UGT1A6: variants seen among roughly 807,000 people sequenced by gnomAD.
The protein encoded by UGT1A6 is UDP glucuronosyltransferase family 1 member A6.
Under a neutral mutation model 44.4 loss-of-function variants are expected in UGT1A6, and 32 were observed. The ratio of observed to expected loss-of-function variants is 0.72; its 90% CI spans 0.54 to 0.97. The LOEUF is 0.97. Ranked by LOEUF, UGT1A6 falls within the 50% of genes least tolerant of loss-of-function variation. UGT1A6 has a pLI of 0.00. For synonymous variants in UGT1A6, 238 were observed against 248.5 expected, an observed-to-expected ratio of 0.96 and a Z score of 0.40; for missense variants, 685 against 661.9, an observed-to-expected ratio of 1.03 and a Z score of -0.38.
chr2:233,711,262 C>T lies in UGT1A6; in HGVS notation c.861+17397C>T, dbSNP rs1462480492. 2.6e-5 allele frequency among the ~76,000 whole-genome samples: 4 copies of T among 152,312 alleles called. No individual in the cohort carries two copies. The East Asian group carries it at 7.7e-4, about 29-fold the overall frequency. On this transcript the variant is annotated intron_variant, in intron 1 of 4. Coordinates refer to ENST00000305139, the MANE Select transcript of UGT1A6 (RefSeq NM_001072.4). ...CCATCTTCCAAGATACATGGGCCTC[C>T]CCAGGGTCTAGGAGTCCTAGACGTG... is the stretch of plus-strand genomic sequence containing the variant.
In UGT1A6 at chr2:233,753,335, C is replaced by T. The variant is rs1327117570; in HGVS notation, c.862-13699C>T. 3.9e-5 allele frequency: 6 copies of T among 151,986 alleles called. No homozygotes were observed. The East Asian group carries it at 9.6e-4, about 24-fold the overall frequency. 9.4% of individuals were successfully genotyped at this position (151,986 alleles called of 1,614,324 possible). A position where few individuals can be genotyped will look rare whatever the true frequency, so the allele number is the denominator to read the frequency against. ...CTGTGGGATGGTGCCAGCTGACTGC[C>T]ATTTTCCTGCTGTTTATTACTTGGG... On this transcript the variant is annotated intron_variant, in intron 1 of 4. Coordinates refer to ENST00000305139, the MANE Select transcript of UGT1A6 (RefSeq NM_001072.4).
chr2:233,713,654 C>G (rs772649489), intron 1 of UGT1A6: 39 of 1,613,850 alleles, frequency 2.4e-5, no homozygotes, highest in African/African-American at 6.7e-5. Context: ...TGGCCCTGTC[C>G]TACCTTTGCC....
rs746130687 is a variant in UGT1A6 at position 233,713,609 on chromosome 2, A to G, written c.861+19744A>G. 4 of 1,613,842 alleles carry G rather than the reference A, an allele frequency of 2.5e-6. No individual in the cohort carries two copies. In the African/African-American group the frequency reaches 4.0e-5, roughly 16 times the overall value. On this transcript the variant is annotated intron_variant, in intron 1 of 4. Transcript: ENST00000305139. ...TAACGACCAATTCAGACCACATGACATTCCTGCAAAGGGTCAAGAACATGC... is the reference window on the plus strand; with the variant it reads ...TAACGACCAATTCAGACCACATGACGTTCCTGCAAAGGGTCAAGAACATGC...
chr2:233,703,444 G>A (rs765581131), intron 1 of UGT1A6, among the ~76,000 whole-genome samples: 11 of 151,692 alleles, frequency 7.3e-5, no homozygotes, highest in Non-Finnish European at 1.0e-4. Context: ...TTTCTATGTC[G>A]TTAATTTCCC....
In UGT1A6 at chr2:233,767,157, C is replaced by T; in HGVS notation, c.985C>T (p.Pro329Ser). The T allele has an allele frequency of 3.1e-6, 5 of 1,614,012 alleles. No homozygotes were observed. Among genetic ancestry groups the T allele is most frequent in the Non-Finnish European group, 4.2e-6 (5 of 1,179,992 alleles). Reference protein sequence around the residue: ...MAIADALGKIPQTVLWRYTGT... With the variant: ...MAIADALGKISQTVLWRYTGT... ...AATTGCTGATGCTTTGGGCAAAATC[C>T]CTCAGACAGTAAGAAGATTCTATAC... The change falls in exon 2 of 5, where the codon CCT becomes TCT. Residue 329 changes from proline to serine, a missense_variant. Coordinates refer to ENST00000305139, the MANE Select transcript of UGT1A6 (RefSeq NM_001072.4).
chr2:233,772,337 C>T lies in UGT1A6; in HGVS notation c.1377C>T (p.Phe459=). The change falls in exon 5 of 5, where the codon TTC becomes TTT. Residue 459 remains phenylalanine (F), a synonymous_variant. Transcript: ENST00000305139. ...RPVEPLDLAV[F]WVEFVMRHKG... is the part of the protein sequence containing the mutation. ...TGGAGCCGCTGGACCTGGCCGTGTTCTGGGTGGAGTTTGTGATGAGGCACA... is the reference window on the plus strand; with the variant it reads ...TGGAGCCGCTGGACCTGGCCGTGTTTTGGGTGGAGTTTGTGATGAGGCACA... 6.2e-7 allele frequency: 1 copy of T among 1,614,256 alleles called. No individual in the cohort carries two copies. The highest frequency in any genetic ancestry group is 8.5e-7 in the Non-Finnish European group (1 of 1,180,042).
chr2:233,762,466 T>C (rs377017824), intron 1 of UGT1A6, among the ~76,000 whole-genome samples: 5 of 152,354 alleles, frequency 3.3e-5, no homozygotes, highest in African/African-American at 9.6e-5. Context: ...GATAATGTCA[T>C]GGATATCACT....
intron 1 of UGT1A6, chr2:233,718,913 G>T (rs2076699236): frequency 6.2e-7 from 1 of 1,613,958 alleles, no homozygotes; most frequent in African/African-American, 1.3e-5. Context: ...GTGGAAAGGT[G>T]TTGGTGGTGC....
chr2:233,761,143 C>T, intron 1 of UGT1A6: 1 of 1,614,232 alleles, frequency 6.2e-7, no homozygotes, highest in Non-Finnish European at 8.5e-7. Flanking sequence ...CCAAAATCCA[C>T]TATCCCAGGT....
chr2:233,767,017 T>G lies in UGT1A6; in HGVS notation c.862-17T>G, dbSNP rs779272297. On this transcript the variant is annotated splice_polypyrimidine_tract_variant and intron_variant, in intron 1 of 4. Transcript: ENST00000305139. Reference sequence around the variant, plus strand: ...ATATGAGAAAAAATTAACTGAAAATTTTTCTTCTGGCTCTAGGAATTTGAA... The same window carrying G: ...ATATGAGAAAAAATTAACTGAAAATGTTTCTTCTGGCTCTAGGAATTTGAA... The G allele has an allele frequency of 6.2e-7, 1 of 1,613,758 alleles. No individual in the cohort carries two copies. The highest frequency in any genetic ancestry group is 8.5e-7 in the Non-Finnish European group (1 of 1,179,982).
At chr2:233,705,767 T>G (rs886992171) in intron 1 of UGT1A6, among the ~76,000 whole-genome samples, 4 of 152,184 alleles carry the variant, frequency 2.6e-5, no homozygotes, top group South Asian at 2.1e-4. Context: ...CTGCATACTT[T>G]GAGTGTCTTA....
chr2:233,772,294 T>G lies in UGT1A6; in HGVS notation c.1334T>G (p.Leu445Arg). 6.2e-7 allele frequency: 1 copy of G among 1,614,228 alleles called. No individual in the cohort carries two copies. The highest frequency in any genetic ancestry group is 8.5e-7 in the Non-Finnish European group (1 of 1,180,042). The change falls in exon 5 of 5, where the codon CTT (leucine) becomes CGT (arginine). Residue 445 changes from leucine (L) to arginine (R), a missense_variant. By Grantham distance (102) the Leu-to-Arg change is moderately radical. Coordinates refer to ENST00000305139, the MANE Select transcript of UGT1A6 (RefSeq NM_001072.4). Reference protein sequence around the residue: ...YKENIMRLSSLHKDRPVEPLD... With the variant: ...YKENIMRLSSRHKDRPVEPLD... ...GAGAACATCATGCGCCTCTCCAGCC[T>G]TCACAAGGACCGCCCGGTGGAGCCG...
intron 1 of UGT1A6, chr2:233,755,367 G>A: frequency 2.8e-6 from 1 of 362,114 alleles, no homozygotes; most frequent in Non-Finnish European, 5.3e-6. Context: ...TGGGCCGCCT[G>A]GAGGGCCGCC....
At chr2:233,716,351 A>G (rs1258886515) in intron 1 of UGT1A6, among the ~76,000 whole-genome samples, 2 of 152,232 alleles carry the variant, frequency 1.3e-5, no homozygotes, top group Non-Finnish European at 2.9e-5. Flanking sequence ...ACTACAATGT[A>G]GATACTTTGT....
At chr2:233,713,669 T>G in intron 1 of UGT1A6, 1 of 1,613,978 alleles carries the variant, frequency 6.2e-7, no homozygotes, top group Non-Finnish European at 8.5e-7. Context: ...TTTGCCATGC[T>G]GTTTCTGCTC....
intron 1 of UGT1A6, among the ~76,000 whole-genome samples, chr2:233,702,009 G>A (rs566769996): frequency 5.3e-4 from 81 of 152,124 alleles, no homozygotes; most frequent in Non-Finnish European, 5.9e-5. Context: ...CAGAACTGAA[G>A]GAAATAGAGA....
intron 1 of UGT1A6, chr2:233,747,870 C>T (rs1693798797): frequency 1.2e-6 from 2 of 1,613,434 alleles, no homozygotes; most frequent in Non-Finnish European, 1.7e-6. Context: ...CCCTCTGGCC[C>T]TGTCCTACCT....
In UGT1A6 at chr2:233,772,247, T is replaced by C. The variant is rs192933567; in HGVS notation, c.1302-15T>C. The C allele has an allele frequency of 3.1e-6, 5 of 1,614,090 alleles. No individual in the cohort carries two copies. In the African/African-American group the frequency reaches 5.3e-5, roughly 17 times the overall value. On this transcript the variant is annotated splice_polypyrimidine_tract_variant and intron_variant, in intron 4 of 4. Transcript: ENST00000305139. ...ACAGGTGTTCCAGGCATAACGAAAC[T>C]GTCTTTGTGTTTAGTTACAAGGAGA...
chr2:233,769,458 C>G lies in UGT1A6; in HGVS notation c.1301+1019C>G, dbSNP rs896047328. On this transcript the variant is annotated intron_variant, in intron 4 of 4. Coordinates refer to ENST00000305139, the MANE Select transcript of UGT1A6 (RefSeq NM_001072.4). This position sits in a 1 kb window ranked among gnomAD's most constrained non-coding sequence, Gnocchi z 4.4. ...ATGTGTGGGTGCACACGTGTGCATTCATATGCGTGTGTGTGTGTGTGCGTG... is the reference window on the plus strand; with the variant it reads ...ATGTGTGGGTGCACACGTGTGCATTGATATGCGTGTGTGTGTGTGTGCGTG... The G allele has an allele frequency of 2.5e-6, 4 of 1,593,602 alleles. No individual in the cohort carries two copies. The African/African-American group carries it at 4.0e-5, about 16-fold the overall frequency.
Sources: gnomAD v4.1 joint callset for allele counts (sites outside exome capture counted in the v4.1 genomes callset) on GRCh38, gnomAD v4.1.1 for gene constraint, Gnocchi (gnomAD v3.1) non-coding constraint, MANE v1.5 for transcripts, NCBI Gene and HGNC (gene_info 2026-07-23, HGNC 2026-07-21) for gene names.